The following HS3ST4 variants were observed in gnomAD, a reference collection of about 807,000 sequenced individuals.
HS3ST4 encodes heparan sulfate glucosamine 3-O-sulfotransferase 4.
Under a neutral mutation model 29.2 loss-of-function variants are expected in HS3ST4, and 17 were observed. That is an observed-to-expected ratio of 0.58 (90% confidence interval 0.40 to 0.87). The LOEUF (loss-of-function observed/expected upper bound fraction) is 0.87. Among genes scored for constraint, HS3ST4 ranks in the 40% least tolerant of loss-of-function variants. The pLI, the probability that HS3ST4 is intolerant of heterozygous loss-of-function variation, is 0.00. For synonymous variants in HS3ST4, 314 were observed against 285.7 expected (o/e 1.10, Z -1.00); for missense variants, 627 against 634.5 (o/e 0.99, Z 0.13).
chr16:26,135,873 A>C lies in HS3ST4; in HGVS notation c.996A>C (p.Arg332=). 6.2e-7 allele frequency: 1 copy of C among 1,613,908 alleles called. No individual in the cohort carries two copies. The highest frequency in any genetic ancestry group is 8.5e-7 in the Non-Finnish European group (1 of 1,179,852). ...TCGATGCTTCCTGGAGTGCCATTCG[A>C]ATAGGGATCTATGCGCTGCATCTGG... ...GLIDASWSAI[R]IGIYALHLEN... The change falls in exon 2 of 2, where the codon CGA becomes CGC. Residue 332 remains arginine, a synonymous_variant. Coordinates refer to ENST00000331351, the MANE Select transcript of HS3ST4 (RefSeq NM_006040.3).
At chr16:26,025,618 G>C (rs1270617467) in intron 1 of HS3ST4, among the ~76,000 whole-genome samples, 2 of 152,192 alleles carry the variant, frequency 1.3e-5, no homozygotes, top group Non-Finnish European at 2.9e-5. Context: ...GGCTGATGAA[G>C]TCAACTATTT....
chr16:25,883,999 G>C (rs2141665378), intron 1 of HS3ST4, among the ~76,000 whole-genome samples: 2 of 152,238 alleles, frequency 1.3e-5, no homozygotes, highest in African/African-American at 4.8e-5. Context: ...TATAATCCCA[G>C]CTACCTGGGA....
At chr16:25,712,788 G>A (rs754123183) in intron 1 of HS3ST4, among the ~76,000 whole-genome samples, 5 of 152,118 alleles carry the variant, frequency 3.3e-5, no homozygotes, top group Non-Finnish European at 4.4e-5. Context: ...GAGTGTATTC[G>A]CTTGATAGGC....
chr16:25,889,545 T>A (rs1967986939), intron 1 of HS3ST4, among the ~76,000 whole-genome samples: 1 of 152,198 alleles, frequency 6.6e-6, no homozygotes, highest in African/African-American at 2.4e-5. Flanking sequence ...TATTCTTGAT[T>A]CTTAGTGGGA....
intron 1 of HS3ST4, among the ~76,000 whole-genome samples, chr16:25,892,224 CAGAG>C (rs1567266244): frequency 6.6e-6 from 1 of 152,108 alleles, no homozygotes; most frequent in African/African-American, 2.4e-5. Flanking sequence ...GAGCTGATCC[CAGAG>C]AGAGGGCCTG....
At chr16:25,888,087 G>T (rs1353539799) in intron 1 of HS3ST4, among the ~76,000 whole-genome samples, 1 of 152,164 alleles carries the variant, frequency 6.6e-6, no homozygotes, top group East Asian at 1.9e-4. Context: ...TGCCATGAAA[G>T]TTGAATCTGA....
chr16:25,789,373 TTCTC>T (rs1224565591), intron 1 of HS3ST4, among the ~76,000 whole-genome samples: 1 of 148,254 alleles, frequency 6.7e-6, no homozygotes, highest in Non-Finnish European at 1.5e-5. Flanking sequence ...CTCTCTCTCT[TTCTC>T]TTTCTTTCTT....
rs116129144 is a variant in HS3ST4, at chr16:25,894,239, T to A, written c.734+201088T>A. ...TTCTGTGAAGGGGGCAGGGAGGGTG[T>A]TTCCTAGTTTACAGGAGCAATTTCT... On this transcript the variant is annotated intron_variant, in intron 1 of 1. Transcript: ENST00000331351. 4.2e-3 allele frequency among the ~76,000 whole-genome samples: 647 copies of A among 152,248 alleles called. 5 individuals are homozygous for A. The highest frequency in any genetic ancestry group is 0.015 in the African/African-American group (632 of 41,528).
At position 25,892,658 on chromosome 16, in the gene HS3ST4, C is replaced by G. The variant is rs140652774; in HGVS notation, c.734+199507C>G. Among the ~76,000 whole-genome samples the G allele has an allele frequency of 2.8e-3, 431 of 152,326 alleles. 3 individuals carry two copies. The highest frequency in any genetic ancestry group is 9.7e-3 in the African/African-American group (402 of 41,570). ...AAAGGAAATTTATTTGCTCACTTAA[C>G]TGAAAAGTCCTGGGGGAGATAGCCT... On this transcript the variant is annotated intron_variant, in intron 1 of 1. Coordinates refer to ENST00000331351, the MANE Select transcript of HS3ST4 (RefSeq NM_006040.3).
chr16:26,011,919 T>C (rs948213832), intron 1 of HS3ST4, among the ~76,000 whole-genome samples: 2 of 152,172 alleles, frequency 1.3e-5, no homozygotes, highest in Non-Finnish European at 1.5e-5. Context: ...TCCTAAGTAT[T>C]ACCCAAGCCA....
chr16:25,930,624 C>T (rs548715603), intron 1 of HS3ST4, among the ~76,000 whole-genome samples: 21 of 152,274 alleles, frequency 1.4e-4, no homozygotes, highest in African/African-American at 4.6e-4. Context: ...AGTCTGACTG[C>T]GACCAAGAGG....
chr16:25,887,661 G>T (rs1967967520), intron 1 of HS3ST4, among the ~76,000 whole-genome samples: 1 of 151,568 alleles, frequency 6.6e-6, no homozygotes, highest in South Asian at 2.1e-4. Flanking sequence ...ATGGCTATGG[G>T]TGGAGCATCC....
intron 1 of HS3ST4, among the ~76,000 whole-genome samples, chr16:25,964,592 C>G (rs79861925): frequency 6.6e-6 from 1 of 152,238 alleles, no homozygotes; most frequent in East Asian, 1.9e-4. Context: ...TCAAAGACCC[C>G]AGCTAGGAAA....
intron 1 of HS3ST4, among the ~76,000 whole-genome samples, chr16:25,857,948 C>CTTTCTTTCTTTCTTTCTTTCTTTCT (rs1967596744): frequency 2.8e-4 from 16 of 57,120 alleles, no homozygotes; most frequent in African/African-American, 1.2e-3. Context: ...TTCTTTCTTT[C>CTTTCTTTCTTTCTTTCTTTCTTTCT]TTTCTTTCTT....
intron 1 of HS3ST4, among the ~76,000 whole-genome samples, chr16:26,011,147 G>A (rs1430309708): frequency 6.6e-6 from 1 of 152,180 alleles, no homozygotes; most frequent in Non-Finnish European, 1.5e-5. Context: ...GGACTAGAGA[G>A]AGGGATTGCA....
chr16:25,737,035 A>G (rs1373324799), intron 1 of HS3ST4, among the ~76,000 whole-genome samples: 2 of 151,174 alleles, frequency 1.3e-5, no homozygotes, highest in South Asian at 2.1e-4. Context: ...TTTTGTAGAG[A>G]TGGGTTTTTT....
chr16:25,807,364 C>T (rs1286527768), intron 1 of HS3ST4, among the ~76,000 whole-genome samples: 2 of 152,206 alleles, frequency 1.3e-5, no homozygotes, highest in African/African-American at 4.8e-5. Flanking sequence ...TTTTCAATTT[C>T]TATAATTTTG....
chr16:26,114,752 G>A (rs1899179196), intron 1 of HS3ST4, among the ~76,000 whole-genome samples: 1 of 152,078 alleles, frequency 6.6e-6, no homozygotes, highest in Admixed American at 6.6e-5. Context: ...AAGGGATGTG[G>A]TACTCTCATG....
At chr16:25,840,085 C>T (rs1170423281) in intron 1 of HS3ST4, among the ~76,000 whole-genome samples, 1 of 152,174 alleles carries the variant, frequency 6.6e-6, no homozygotes, top group Non-Finnish European at 1.5e-5. Context: ...TCTTTCTGGT[C>T]GATCTCTTCT....
Sources: allele counts gnomAD v4.1 joint callset (sites outside exome capture counted in the v4.1 genomes callset), GRCh38; gene constraint gnomAD v4.1.1; transcripts MANE v1.5; gene names NCBI Gene and HGNC (gene_info 2026-07-23, HGNC 2026-07-21).